ST6GAL1: variants seen among roughly 807,000 people sequenced by gnomAD.
The protein encoded by ST6GAL1 is ST6 beta-galactoside alpha-2,6-sialyltransferase 1.
A neutral mutation model predicts 38.0 loss-of-function variants in ST6GAL1; 20 were observed. The ratio of observed to expected loss-of-function variants is 0.53; its 90% CI spans 0.37 to 0.77. The LOEUF (loss-of-function observed/expected upper bound fraction) is 0.77. ST6GAL1 is among the 30% of genes least tolerant of loss of function. The pLI is 0.00. For missense variants in ST6GAL1, 432 were observed against 496.4 expected (o/e 0.87, Z 1.23); for synonymous variants, 196 against 188.2 (o/e 1.04, Z -0.34).
intron 3 of ST6GAL1, among the ~76,000 whole-genome samples, chr3:187,040,295 G>A (rs1718082893): frequency 6.6e-6 from 1 of 152,218 alleles, no homozygotes; most frequent in Non-Finnish European, 1.5e-5. Context: ...GGGATGGCAG[G>A]TGCAGCACTG....
chr3:187,071,593 C>CA (rs142292325), intron 5 of ST6GAL1, among the ~76,000 whole-genome samples: 5,028 of 151,366 alleles, frequency 0.033, 299 homozygotes, highest in African/African-American at 0.12. Context: ...ACTAAAAATA[C>CA]AAAAAAACCC....
At chr3:186,934,078 A>C (rs1014619088) in intron 1 of ST6GAL1, among the ~76,000 whole-genome samples, 3 of 152,234 alleles carry the variant, frequency 2.0e-5, no homozygotes, top group African/African-American at 7.2e-5. Flanking sequence ...GAGAGGCGCC[A>C]CTTAGCTGTT....
At chr3:186,948,037 G>C (rs1367980802) in intron 1 of ST6GAL1, among the ~76,000 whole-genome samples, 2 of 152,216 alleles carry the variant, frequency 1.3e-5, no homozygotes, top group African/African-American at 4.8e-5. Context: ...AGAGAGTGAG[G>C]GAGGGAGGAG....
At chr3:187,011,082 T>TTGGTCAAGTACAAC (rs1241889857) in intron 2 of ST6GAL1, among the ~76,000 whole-genome samples, 22 of 152,318 alleles carry the variant, frequency 1.4e-4, no homozygotes, top group East Asian at 5.8e-4. Flanking sequence ...CAGTGTGACC[T>TTGGTCAAGTACAAC]CTGCTTCCCA....
chr3:186,993,557 TTTATTTATTTATTTA>T (rs1435622663), intron 2 of ST6GAL1, among the ~76,000 whole-genome samples: 1,020 of 6,568 alleles, frequency 0.16, 16 homozygotes, highest in African/African-American at 0.29. Flanking sequence ...TTGACAGAGT[TTTATTTATTTATTTA>T]TTTATTTATT....
At chr3:187,027,073 A>T (rs545975812) in intron 2 of ST6GAL1, among the ~76,000 whole-genome samples, 84 of 151,928 alleles carry the variant, frequency 5.5e-4, no homozygotes, top group Middle Eastern at 3.4e-3. Context: ...AATAAATAAA[A>T]AATAAAAAAT....
chr3:186,989,787 G>A (rs1400410584), intron 2 of ST6GAL1, among the ~76,000 whole-genome samples: 2 of 152,194 alleles, frequency 1.3e-5, no homozygotes, highest in Admixed American at 1.3e-4. Context: ...TTGAAAAATA[G>A]CAGAATAACT....
intron 2 of ST6GAL1, among the ~76,000 whole-genome samples, chr3:186,984,801 TTCCA>T (rs1174947048): frequency 0.019 from 594 of 30,586 alleles, 20 homozygotes; most frequent in Non-Finnish European, 0.028. Flanking sequence ...CCTTCCTTCC[TTCCA>T]TCCTTCCTTC....
At chr3:186,964,319 C>T (rs1396067751) in intron 2 of ST6GAL1, 2 of 152,220 alleles carry the variant, frequency 1.3e-5, no homozygotes, top group Non-Finnish European at 2.9e-5. Context: ...CGCTCTCTCT[C>T]TTTCAACCCA....
rs1388044107 is a variant in ST6GAL1 at position 186,943,562 on chromosome 3, G to T, written c.-325+12728G>T. The stretch of plus-strand genomic sequence containing the variant: ...CCTCCCGGGTTCAAGCCATTCCCCT[G>T]TCTCAGCCTCCTGAGTAGCTGGGAT... On this transcript the variant is annotated intron_variant, in intron 1 of 7. Transcript: ENST00000169298. Among the ~76,000 whole-genome samples, 6 of 152,230 alleles carry T rather than the reference G, an allele frequency of 3.9e-5. No individual in the cohort carries two copies. The South Asian group carries it at 1.0e-3, about 26-fold the overall frequency.
chr3:187,027,869 A>G (rs1717601135), intron 2 of ST6GAL1, among the ~76,000 whole-genome samples: 1 of 152,254 alleles, frequency 6.6e-6, no homozygotes, highest in Admixed American at 6.5e-5. Flanking sequence ...CCAGTAAGGC[A>G]TTACCGGTAA....
At chr3:186,932,922 TAG>T (rs1372824173) in intron 1 of ST6GAL1, among the ~76,000 whole-genome samples, 2 of 152,332 alleles carry the variant, frequency 1.3e-5, no homozygotes, top group East Asian at 1.9e-4. Context: ...TTCTTTTCCT[TAG>T]AGTTTCCAGC....
chr3:186,961,291 G>A (rs1714928215), intron 1 of ST6GAL1, among the ~76,000 whole-genome samples: 1 of 152,064 alleles, frequency 6.6e-6, no homozygotes, highest in Admixed American at 6.5e-5. Flanking sequence ...ACTTGATCTT[G>A]TGCATGGCAT....
intron 5 of ST6GAL1, among the ~76,000 whole-genome samples, chr3:187,055,396 T>A (rs1374813265): frequency 2.6e-5 from 4 of 152,318 alleles, no homozygotes; most frequent in African/African-American, 9.6e-5. Flanking sequence ...AATTGTGATG[T>A]TAGGGTGTTG....
intron 2 of ST6GAL1, among the ~76,000 whole-genome samples, chr3:186,989,383 T>G (rs1716073173): frequency 6.6e-6 from 1 of 152,194 alleles, no homozygotes; most frequent in South Asian, 2.1e-4. Context: ...TAATTAATAT[T>G]TTGCTCTCTG....
intron 2 of ST6GAL1, among the ~76,000 whole-genome samples, chr3:187,037,690 C>A (rs1232379553): frequency 6.6e-6 from 1 of 152,138 alleles, no homozygotes; most frequent in Non-Finnish European, 1.5e-5. Flanking sequence ...ATGATCCTCC[C>A]TCCTCAACCT....
In ST6GAL1 at chr3:187,076,845, A is replaced by G. The variant is rs1401479883; in HGVS notation, c.*1042A>G. 7.5e-6 allele frequency: 3 copies of G among 398,920 alleles called. No homozygotes were observed. The highest frequency in any genetic ancestry group is 1.3e-5 in the Non-Finnish European group (3 of 226,066). The allele number at this position is 398,920 out of a possible 1,614,324, so 24.7% of individuals were successfully genotyped here. A position where few individuals can be genotyped will look rare whatever the true frequency, so the allele number is the denominator to read the frequency against. ...TGCAGCCTCACGACAGATACCAGGCAATCCAGAGCCACAAAACGTGATTCC... is the reference window on the plus strand; with the variant it reads ...TGCAGCCTCACGACAGATACCAGGCGATCCAGAGCCACAAAACGTGATTCC... On this transcript the variant is annotated 3_prime_UTR_variant, in exon 8 of 8. Coordinates refer to ENST00000169298, the MANE Select transcript of ST6GAL1 (RefSeq NM_173216.2).
chr3:187,036,587 T>C (rs1239705743), intron 2 of ST6GAL1, among the ~76,000 whole-genome samples: 1 of 152,158 alleles, frequency 6.6e-6, no homozygotes, highest in Non-Finnish European at 1.5e-5. Flanking sequence ...AACAAAGCCA[T>C]GCCCTTTGCA....
Position 187,043,015 on chromosome 3 carries a change from C to T in ST6GAL1, c.312C>T (p.Asn104=). The T allele has an allele frequency of 1.9e-6, 3 of 1,614,194 alleles. 1 individual carries two copies. The highest frequency in any genetic ancestry group is 8.5e-7 in the Non-Finnish European group (1 of 1,180,042). ...QVWNKDSSSK[N]LIPRLQKIWK... ...GGAACAAGGACAGCTCTTCCAAAAACCTTATCCCTAGGCTGCAAAAGATCT... is the reference window on the plus strand; with the variant it reads ...GGAACAAGGACAGCTCTTCCAAAAATCTTATCCCTAGGCTGCAAAAGATCT... The change falls in exon 4 of 8, where the codon AAC becomes AAT. Residue 104 remains asparagine, a synonymous_variant. Transcript: ENST00000169298.
Sources: gnomAD v4.1 joint callset for allele counts (sites outside exome capture counted in the v4.1 genomes callset) on GRCh38, gnomAD v4.1.1 for gene constraint, MANE v1.5 for transcripts, NCBI Gene and HGNC (gene_info 2026-07-23, HGNC 2026-07-21) for gene names.